The following CCDC40 variants were observed in gnomAD, a reference collection of about 807,000 sequenced individuals.
CCDC40 encodes coiled-coil domain-containing protein 40.
In CCDC40, 104 loss-of-function variants were observed where a neutral mutation model predicts 124.5. The observed-to-expected ratio is 0.84, with a 90% CI of 0.71 to 0.98. CCDC40 has a LOEUF of 0.98. CCDC40 is among the 50% of genes least tolerant of loss of function. The pLI, the probability that CCDC40 is intolerant of heterozygous loss-of-function variation, is 0.00. For missense variants in CCDC40, 1,463 were observed against 1,503.9 expected, an observed-to-expected ratio of 0.97 and a Z score of 0.45; for synonymous variants, 580 against 602.9, an observed-to-expected ratio of 0.96 and a Z score of 0.56.
rs373525552 is a variant in CCDC40, at chr17:80,088,084, A to G, written c.2693A>G (p.Asn898Ser). 8.1e-6 allele frequency: 13 copies of G among 1,613,508 alleles called. No homozygotes were observed. Among genetic ancestry groups the G allele is most frequent in the African/African-American group, 1.3e-5 (1 of 74,868 alleles). ...QLSEEKATLL[N>S]QLVEAEHQIM... Reference sequence around the variant, plus strand: ...AGCGAGGAGAAGGCGACCCTCCTGAATCAACTGGTGGAAGCAGAGTGAGTC... The same window carrying G: ...AGCGAGGAGAAGGCGACCCTCCTGAGTCAACTGGTGGAAGCAGAGTGAGTC... The change falls in exon 16 of 20, where the codon AAT becomes AGT. Residue 898 changes from asparagine (N) to serine (S), a missense_variant. Coordinates refer to ENST00000397545, the MANE Select transcript of CCDC40 (RefSeq NM_017950.4).
intron 3 of CCDC40, among the ~76,000 whole-genome samples, chr17:80,046,881 T>C (rs1382348081): frequency 6.6e-6 from 1 of 152,234 alleles, no homozygotes; most frequent in Non-Finnish European, 1.5e-5. Context: ...GGTCTTGCTC[T>C]GTTGCCCAGG....
rs1001206298 is a variant in CCDC40, at chr17:80,086,763, G to T, written c.2449+547G>T. On this transcript the variant is annotated intron_variant, in intron 14 of 19. Coordinates refer to ENST00000397545, the MANE Select transcript of CCDC40 (RefSeq NM_017950.4). This position sits in a 1 kb window ranked among gnomAD's most constrained non-coding sequence, Gnocchi z 5.5. ...CATCCCGGGTCCTGCCCGGTCTTGGGTCGGGGATCCATGCTGGTCAGGCCT... is the reference window on the plus strand; with the variant it reads ...CATCCCGGGTCCTGCCCGGTCTTGGTTCGGGGATCCATGCTGGTCAGGCCT... The T allele has an allele frequency of 2.8e-5, 5 of 175,700 alleles. No individual in the cohort carries two copies. The highest frequency in any genetic ancestry group is 1.2e-4 in the African/African-American group (5 of 41,624). The allele number at this position is 175,700 out of a possible 1,614,324, so 10.9% of individuals were successfully genotyped here.
rs150668139 is a variant in CCDC40, at chr17:80,042,033, C to T, written c.552+1763C>T. On this transcript the variant is annotated intron_variant, in intron 3 of 19. Transcript: ENST00000397545. ...ATTTAGAATGGGAAAAAAATTGCAA[C>T]AGATTCCAACCAGTTATTGAGGACT... Among the ~76,000 whole-genome samples, 13 of 152,266 alleles carry T rather than the reference C, an allele frequency of 8.5e-5. No homozygotes were observed. The East Asian group carries it at 2.5e-3, about 29-fold the overall frequency.
chr17:80,058,909 A>G lies in CCDC40; in HGVS notation c.1369A>G (p.Ile457Val), dbSNP rs1015580688. ...TCGAGCCCAGCAACTGGAAGAAGAC[A>G]TTGCCCTGTTTGAGGCTCAGTACTT... ...TTRAQQLEED[I>V]ALFEAQYLAQ... is the part of the protein sequence containing the mutation. The change falls in exon 9 of 20, where the codon ATT (isoleucine) becomes GTT (valine). Residue 457 changes from isoleucine (I) to valine (V), a missense_variant. Coordinates refer to ENST00000397545, the MANE Select transcript of CCDC40 (RefSeq NM_017950.4). This position sits in a 1 kb window ranked among gnomAD's most constrained non-coding sequence, Gnocchi z 4.2. 1 of 1,614,154 alleles carries G rather than the reference A, an allele frequency of 6.2e-7. No homozygotes were observed. The highest frequency in any genetic ancestry group is 2.2e-5 in the East Asian group (1 of 44,876).
In CCDC40 at chr17:80,095,393, G is replaced by A. The variant is rs778921041; in HGVS notation, c.2963G>A (p.Arg988His). Residue 988 changes from arginine (R) to histidine (H), a missense_variant, in exon 18 of 20, where the codon CGC becomes CAC. By Grantham distance (29) the Arg-to-His change is conservative (BLOSUM62 0). Transcript: ENST00000397545. The part of the protein sequence containing the change: ...QRKMDRKALT[R>H]TDFHHKQLEL... ...AAGATGGACAGGAAGGCGCTCACCC[G>A]CACCGACTTCCACCACAAGCAGCTT... 2.0e-5 allele frequency: 33 copies of A among 1,614,016 alleles called. No individual in the cohort carries two copies. The East Asian group carries it at 3.8e-4, about 19-fold the overall frequency.
chr17:80,038,555 G>A (rs889256479), intron 2 of CCDC40, among the ~76,000 whole-genome samples: 12 of 149,506 alleles, frequency 8.0e-5, no homozygotes, highest in Non-Finnish European at 1.8e-4. Flanking sequence ...GGCCGGGCAC[G>A]GTGACTCACG....
At chr17:80,039,778 G>A in intron 2 of CCDC40, 34 bp from the exon 3 acceptor site, 1 of 1,610,214 alleles carries the variant, frequency 6.2e-7, no homozygotes, top group Non-Finnish European at 8.5e-7. Context: ...TTTATACTTT[G>A]TTTCCTGATT....
Position 80,087,370 on chromosome 17 carries a change from C to T in CCDC40, c.2450-237C>T, listed in dbSNP as rs917088553. 7.1e-6 allele frequency: 4 copies of T among 565,850 alleles called. No individual in the cohort carries two copies. The highest frequency in any genetic ancestry group is 5.9e-5 in the Admixed American group (2 of 33,942). The allele number at this position is 565,850 out of a possible 1,614,324, so 35.1% of individuals were successfully genotyped here. ...CCCCACAGGCAGGTCCTCTCAGTTC[C>T]GTTGGAGGACCAGGCTTTGGGAGCT... On this transcript the variant is annotated intron_variant, in intron 14 of 19. Transcript: ENST00000397545. The surrounding 1 kb of genome is among the most constrained non-coding windows in gnomAD (Gnocchi z 4.5).
At position 80,092,471 on chromosome 17, in the gene CCDC40, T is replaced by C. The variant is rs116336504; in HGVS notation, c.2832+2587T>C. ...CCCCAGCCGCCATGACAGCCACCAG[T>C]CTCTCTCCATGCCTGTCGTTTTGGC... On this transcript the variant is annotated intron_variant, in intron 17 of 19. Transcript: ENST00000397545. Among the ~76,000 whole-genome samples the C allele has an allele frequency of 3.7e-3, 570 of 152,350 alleles. 6 individuals carry two copies. Among genetic ancestry groups the C allele is most frequent in the African/African-American group, 0.013 (552 of 41,578 alleles).
Position 80,087,642 on chromosome 17 carries a change from A to C in CCDC40, c.2485A>C (p.Ile829Leu). ...GCAGGAGAAGAAGGAGCAGAAGGAG[A>C]TCGAGCACCACATGAAGGACCTGGA... ...IEQEKKEQKE[I>L]EHHMKDLDND... Residue 829 changes from isoleucine to leucine, a missense_variant, in exon 15 of 20, where the codon ATC (isoleucine) becomes CTC (leucine). By Grantham distance (5) the Ile-to-Leu change is conservative. Transcript: ENST00000397545. The surrounding 1 kb of genome is among the most constrained non-coding windows in gnomAD (Gnocchi z 4.5). 1 of 1,614,132 alleles carries C rather than the reference A, an allele frequency of 6.2e-7. No individual in the cohort carries two copies. The highest frequency in any genetic ancestry group is 2.2e-5 in the East Asian group (1 of 44,866).
chr17:80,040,166 G>C lies in CCDC40; in HGVS notation c.448G>C (p.Glu150Gln). Residue 150 changes from glutamate to glutamine, a missense_variant, in exon 3 of 20, where the codon GAA (glutamate) becomes CAA (glutamine). Transcript: ENST00000397545. Reference protein sequence around the residue: ...GFQQEATGPPESRERRVTSPE... With the variant: ...GFQQEATGPPQSRERRVTSPE... Reference sequence around the variant, plus strand: ...CCAGCAAGAGGCCACCGGTCCACCAGAATCCAGAGAAAGGAGGGTCACCTC... The same window carrying C: ...CCAGCAAGAGGCCACCGGTCCACCACAATCCAGAGAAAGGAGGGTCACCTC... 1 of 1,614,002 alleles carries C rather than the reference G, an allele frequency of 6.2e-7. No homozygotes were observed. Among genetic ancestry groups the C allele is most frequent in the Non-Finnish European group, 8.5e-7 (1 of 1,179,882 alleles).
rs149482877 is a variant in CCDC40 at position 80,098,155 on chromosome 17, C to A, written c.3180+752C>A. On this transcript the variant is annotated intron_variant, in intron 19 of 19. Coordinates refer to ENST00000397545, the MANE Select transcript of CCDC40 (RefSeq NM_017950.4). ...ACCACCCCAGGTGGACAGGACAGCCCGGCAAGGCAGAAGCCTGAGACTGCG... is the reference window on the plus strand; with the variant it reads ...ACCACCCCAGGTGGACAGGACAGCCAGGCAAGGCAGAAGCCTGAGACTGCG... Among the ~76,000 whole-genome samples the A allele has an allele frequency of 3.3e-3, 498 of 152,262 alleles. 1 individual carries two copies. The highest frequency in any genetic ancestry group is 0.012 in the African/African-American group (478 of 41,546).
At position 80,097,635 on chromosome 17, in the gene CCDC40, G is replaced by A. The variant is rs535373108; in HGVS notation, c.3180+232G>A. 5.1e-5 allele frequency: 29 copies of A among 573,860 alleles called. No homozygotes were observed. The East Asian group carries it at 7.0e-4, about 14-fold the overall frequency. The allele number at this position is 573,860 out of a possible 1,614,324, so 35.5% of individuals were successfully genotyped here. A position where few individuals can be genotyped will look rare whatever the true frequency, so the allele number is the denominator to read the frequency against. On this transcript the variant is annotated intron_variant, in intron 19 of 19. Coordinates refer to ENST00000397545, the MANE Select transcript of CCDC40 (RefSeq NM_017950.4). ...GTTATGGGCTGGGCTCATGTTCAGC[G>A]TGCGAGGGTTACAAAATAGAACACA...
intron 13 of CCDC40, among the ~76,000 whole-genome samples, 163 bp downstream of exon 13, chr17:80,085,151 C>CT (rs1334597795): frequency 2.6e-5 from 4 of 152,246 alleles, no homozygotes; most frequent in Non-Finnish European, 5.9e-5. Flanking sequence ...GCCAAGCGCT[C>CT]TAAGTCACAT....
At chr17:80,096,412 T>C (rs927291023) in intron 18 of CCDC40, among the ~76,000 whole-genome samples, 5 of 152,186 alleles carry the variant, frequency 3.3e-5, no homozygotes, top group African/African-American at 9.7e-5. Context: ...TGGAAGTAAC[T>C]GGAAGTTTCT....
intron 10 of CCDC40, among the ~76,000 whole-genome samples, chr17:80,070,031 G>A (rs778145163): frequency 1.3e-5 from 2 of 152,216 alleles, no homozygotes; most frequent in Non-Finnish European, 2.9e-5. Flanking sequence ...TGTTTCCTGG[G>A]TAACAAGCCC....
At chr17:80,050,367 A>G in intron 7 of CCDC40, 84 bp downstream of exon 7, 2 of 1,102,696 alleles carry the variant, frequency 1.8e-6, no homozygotes, top group Non-Finnish European at 2.7e-6. Context: ...CCAGGCATCT[A>G]GAAAAGTAAG....
intron 9 of CCDC40, among the ~76,000 whole-genome samples, chr17:80,064,881 ACCT>A (rs1338429625): frequency 2.0e-5 from 3 of 150,660 alleles, no homozygotes; most frequent in Admixed American, 2.0e-4. Flanking sequence ...TGAGACAAAC[ACCT>A]CCTTCCATCA....
chr17:80,048,153 G>C (rs936032773), intron 4 of CCDC40, among the ~76,000 whole-genome samples: 1 of 152,076 alleles, frequency 6.6e-6, no homozygotes, highest in Non-Finnish European at 1.5e-5. Context: ...CCAGCTGCTC[G>C]GGAGGCTGAG....
Sources: allele counts gnomAD v4.1 joint callset (sites outside exome capture counted in the v4.1 genomes callset), GRCh38; gene constraint gnomAD v4.1.1; non-coding constraint Gnocchi (gnomAD v3.1); transcripts MANE v1.5; gene names NCBI Gene and HGNC (gene_info 2026-07-23, HGNC 2026-07-21).